The following ABCA1 variants were observed in gnomAD, a reference collection of about 807,000 sequenced individuals.
The protein encoded by ABCA1 is phospholipid-transporting ATPase ABCA1.
Under a neutral mutation model 262.5 loss-of-function variants are expected in ABCA1, and 133 were observed. That is an observed-to-expected ratio of 0.51 (90% CI 0.44 to 0.59). The LOEUF (loss-of-function observed/expected upper bound fraction) is 0.59, where lower values mean the gene tolerates loss of function less well. ABCA1 is among the 20% of genes least tolerant of loss of function. The probability of loss-of-function intolerance (pLI) is 0.00; values close to 1 mark genes in which losing one functional copy is unlikely to be tolerated. For missense variants in ABCA1, 2,452 were observed against 2,777.5 expected (o/e 0.88, Z 2.63); for synonymous variants, 1,022 against 1,043.5 (o/e 0.98, Z 0.40).
In ABCA1 at chr9:104,788,036, G is replaced by T. The variant is rs1277494907; in HGVS notation, c.6088C>A (p.Arg2030=). 1 of 1,614,022 alleles carries T rather than the reference G, an allele frequency of 6.2e-7. No homozygotes were observed. Among genetic ancestry groups the T allele is most frequent in the South Asian group, 1.1e-5 (1 of 91,074 alleles). The part of the protein sequence containing the change: ...EVGKVGEWAI[R]KLGLVKYGEK... ...CCATACTTCACGAGGCCCAGTTTCC[G>T]AATCGCCCACTCACCAACCTACAGT... The change falls in exon 46 of 50, where the codon CGG becomes AGG. Residue 2030 remains arginine (R), a synonymous_variant. Transcript: ENST00000374736.
chr9:104,790,757 A>C (rs1289831595), intron 44 of ABCA1, among the ~76,000 whole-genome samples, 165 bp downstream of exon 44: 1 of 152,252 alleles, frequency 6.6e-6, no homozygotes, highest in Non-Finnish European at 1.5e-5. Context: ...TTATCTCTAG[A>C]TATTGAAATC....
At chr9:104,849,382 G>A (rs184784793) in intron 7 of ABCA1, among the ~76,000 whole-genome samples, 209 of 152,240 alleles carry the variant, frequency 1.4e-3, no homozygotes, top group African/African-American at 4.8e-3. Flanking sequence ...TTGACTGCTT[G>A]TTTAATTTGA....
At chr9:104,909,692 C>G (rs545571727) in intron 1 of ABCA1, among the ~76,000 whole-genome samples, 1 of 150,778 alleles carries the variant, frequency 6.6e-6, no homozygotes, top group Non-Finnish European at 1.5e-5. Flanking sequence ...AAATGATGAC[C>G]CTAGTTAGCA....
intron 7 of ABCA1, among the ~76,000 whole-genome samples, chr9:104,854,419 A>T (rs538598644): frequency 1.3e-5 from 2 of 152,312 alleles, no homozygotes; most frequent in Admixed American, 1.3e-4. Context: ...GTATGTGGTT[A>T]TAAACTGCTA....
chr9:104,861,315 G>T, intron 6 of ABCA1: 1 of 384,888 alleles, frequency 2.6e-6, no homozygotes, highest in South Asian at 3.3e-5. Flanking sequence ...TTTTTAGACA[G>T]AGCTCCTCCA....
intron 1 of ABCA1, among the ~76,000 whole-genome samples, chr9:104,907,621 G>T (rs13283308): frequency 3.0e-3 from 461 of 152,326 alleles, no homozygotes; most frequent in Non-Finnish European, 5.1e-3. Context: ...CAAAGAGGGA[G>T]CTCTGTGTTC....
chr9:104,806,524 A>T, intron 30 of ABCA1, 94 bp from the exon 31 acceptor site: 1 of 1,216,476 alleles, frequency 8.2e-7, no homozygotes, highest in Non-Finnish European at 1.2e-6. Context: ...ACAACCACAA[A>T]CATGCATCTA....
At position 104,831,767 on chromosome 9, in the gene ABCA1, T is replaced by A. The variant is rs935683226; in HGVS notation, c.1570A>T (p.Met524Leu). The change falls in exon 13 of 50, where the codon ATG becomes TTG. Residue 524 changes from methionine to leucine, a missense_variant. Physicochemically the swap from Met to Leu is conservative, Grantham distance 15 (BLOSUM62 2). This residue lies in a region of ABCA1 where 1,032 missense variants were observed against 1,089.7 expected (regional missense o/e 0.95). Coordinates refer to ENST00000374736, the MANE Select transcript of ABCA1 (RefSeq NM_005502.4). ...ATEVWLINKS[M>L]ELLDERKFWA... is the part of the protein sequence containing the mutation. ...AACTTCCTCTCATCCAGCAGCTCCA[T>A]GGACTTGTTGATGAGCCAGACTTCT... is the stretch of plus-strand genomic sequence containing the variant. 4.3e-6 allele frequency: 7 copies of A among 1,614,250 alleles called. No homozygotes were observed. Among genetic ancestry groups the A allele is most frequent in the Middle Eastern group, 1.6e-4 (1 of 6,062 alleles).
chr9:104,847,754 A>G (rs1835022340), intron 7 of ABCA1, among the ~76,000 whole-genome samples: 1 of 152,238 alleles, frequency 6.6e-6, no homozygotes, highest in South Asian at 2.1e-4. Context: ...AAGGCTTGGG[A>G]TAAAATGCCT....
In ABCA1 at chr9:104,817,416, G is replaced by A. The variant is rs1355853073; in HGVS notation, c.3463-12C>T. 1 of 1,614,188 alleles carries A rather than the reference G, an allele frequency of 6.2e-7. No individual in the cohort carries two copies. ...GAAACACTGTCCTCCTGATGGCAAA[G>A]AAGGAGGTGAGAACGGGTCAGGGAC... On this transcript the variant is annotated splice_polypyrimidine_tract_variant and intron_variant, in intron 23 of 49. Coordinates refer to ENST00000374736, the MANE Select transcript of ABCA1 (RefSeq NM_005502.4). This position sits in a 1 kb window ranked among gnomAD's most constrained non-coding sequence, Gnocchi z 4.7.
chr9:104,922,124 G>A (rs10991412), intron 1 of ABCA1, among the ~76,000 whole-genome samples: 21,827 of 152,174 alleles, frequency 0.14, 2,369 homozygotes, highest in African/African-American at 0.31. Context: ...ACCAAATCCA[G>A]TGCTCCTCCA....
chr9:104,838,574 G>A (rs974172406), intron 9 of ABCA1, among the ~76,000 whole-genome samples: 117 of 149,320 alleles, frequency 7.8e-4, no homozygotes, highest in Non-Finnish European at 1.3e-3. Context: ...CCGAGATGGC[G>A]CCACTGCACT....
chr9:104,784,553 G>A, intron 49 of ABCA1, 98 bp from the exon 50 acceptor site: 3 of 1,408,084 alleles, frequency 2.1e-6, no homozygotes, highest in Non-Finnish European at 3.0e-6. Flanking sequence ...AGGTCAAGTA[G>A]GAGCATACAG....
intron 43 of ABCA1, 144 bp from the exon 44 acceptor site, chr9:104,791,172 A>G (rs569155703): frequency 1.6e-6 from 1 of 608,192 alleles, no homozygotes; most frequent in East Asian, 2.9e-5. Flanking sequence ...TCGTATAGAT[A>G]TTTAAATATG....
At chr9:104,853,371 C>G (rs1835547171) in intron 7 of ABCA1, among the ~76,000 whole-genome samples, 1 of 152,034 alleles carries the variant, frequency 6.6e-6, no homozygotes, top group Non-Finnish European at 1.5e-5. Flanking sequence ...CCCACTACAG[C>G]CCACAGTGTC....
intron 1 of ABCA1, among the ~76,000 whole-genome samples, chr9:104,910,525 CCT>C (rs1841430022): frequency 6.6e-6 from 1 of 152,004 alleles, no homozygotes; most frequent in Non-Finnish European, 1.5e-5. Context: ...AACTAATTCT[CCT>C]CTTTCAAAAA....
At chr9:104,862,271 T>G (rs929540871) in intron 5 of ABCA1, among the ~76,000 whole-genome samples, 5 of 129,394 alleles carry the variant, frequency 3.9e-5, no homozygotes, top group Non-Finnish European at 6.5e-5. Flanking sequence ...GACTGGCAAA[T>G]TTTTTTTTTT....
At chr9:104,866,483 G>A (rs1242288941) in intron 5 of ABCA1, among the ~76,000 whole-genome samples, 1 of 150,420 alleles carries the variant, frequency 6.6e-6, no homozygotes, top group Non-Finnish European at 1.5e-5. Context: ...CCTTTTTTGT[G>A]ACTTTTTTTT....
chr9:104,903,227 C>A (rs1296457854), intron 2 of ABCA1, among the ~76,000 whole-genome samples: 1 of 152,132 alleles, frequency 6.6e-6, no homozygotes, highest in African/African-American at 2.4e-5. Flanking sequence ...AAGAGTGGGG[C>A]CACTAACTCA....
Sources: allele counts gnomAD v4.1 joint callset (sites outside exome capture counted in the v4.1 genomes callset), GRCh38; gene constraint gnomAD v4.1.1; regional missense constraint gnomAD v4.1.1; non-coding constraint Gnocchi (gnomAD v3.1); transcripts MANE v1.5; gene names NCBI Gene and HGNC (gene_info 2026-07-23, HGNC 2026-07-21).